The following ADGRV1 variants were observed in gnomAD, a reference collection of about 807,000 sequenced individuals.
ADGRV1 encodes G-protein coupled receptor 98.
In ADGRV1, 359 loss-of-function variants were observed where a neutral mutation model predicts 596.2. The observed-to-expected ratio is 0.60, with a 90% CI of 0.55 to 0.66. The LOEUF (loss-of-function observed/expected upper bound fraction) is 0.66. Ranked by LOEUF, ADGRV1 falls within the 30% of genes least tolerant of loss-of-function variation. The pLI, the probability that ADGRV1 is intolerant of heterozygous loss-of-function variation, is 0.00. For missense variants in ADGRV1, 7,274 were observed against 7,575.6 expected (o/e 0.96, Z 1.48); for synonymous variants, 2,681 against 2,679.2 (o/e 1.00, Z -0.02).
intron 11 of ADGRV1, among the ~76,000 whole-genome samples, 159 bp from the exon 12 acceptor site, chr5:90,642,477 T>C (rs527353979): frequency 6.6e-6 from 1 of 152,196 alleles, no homozygotes; most frequent in African/African-American, 2.4e-5. Context: ...TGTTTTGATC[T>C]TAAATGATTT....
chr5:90,719,507 C>A (rs1383101845), intron 43 of ADGRV1, among the ~76,000 whole-genome samples: 1 of 152,068 alleles, frequency 6.6e-6, no homozygotes. Flanking sequence ...AGTGTGTACT[C>A]TTTTGTGTCT....
At chr5:90,667,903 C>T (rs1236900942) in intron 21 of ADGRV1, among the ~76,000 whole-genome samples, 1 of 151,964 alleles carries the variant, frequency 6.6e-6, no homozygotes, top group Non-Finnish European at 1.5e-5. Flanking sequence ...TTGGGGGGTG[C>T]CTCCCAGTTA....
At chr5:90,866,257 C>T (rs1340316064) in intron 83 of ADGRV1, among the ~76,000 whole-genome samples, 1 of 151,424 alleles carries the variant, frequency 6.6e-6, no homozygotes, top group African/African-American at 2.4e-5. Context: ...TCCAGCTCTA[C>T]TTTCTACTTC....
chr5:91,092,688 G>A (rs1261611700), intron 86 of ADGRV1: 1 of 152,190 alleles, frequency 6.6e-6, no homozygotes, highest in African/African-American at 2.4e-5. Flanking sequence ...TGGGAATGGA[G>A]GGAAACTTAG....
rs1200614937 is a variant in ADGRV1 at position 90,716,628 on chromosome 5, A to G, written c.9346A>G (p.Thr3116Ala). Residue 3116 changes from threonine to alanine, a missense_variant, in exon 43 of 90, where the codon ACA (threonine) becomes GCA (alanine). Thr to Ala is a moderately conservative substitution (Grantham distance 58). Transcript: ENST00000405460. ...TGCACAAGGATTGTTTGGAACAGTG[A>G]CAGTTCAGTTCATTGTGACAGAAGT... ...EPAQGLFGTV[T>A]VQFIVTEVNS... The G allele has an allele frequency of 6.2e-7, 1 of 1,613,604 alleles. No individual in the cohort carries two copies. The highest frequency in any genetic ancestry group is 2.2e-5 in the East Asian group (1 of 44,860).
At chr5:90,885,314 C>G (rs1233615687) in intron 83 of ADGRV1, among the ~76,000 whole-genome samples, 1 of 152,056 alleles carries the variant, frequency 6.6e-6, no homozygotes. Context: ...TTCTTGTTCC[C>G]AGGTGATTAA....
At chr5:90,977,823 T>C (rs2151020293) in intron 84 of ADGRV1, among the ~76,000 whole-genome samples, 1 of 152,298 alleles carries the variant, frequency 6.6e-6, no homozygotes, top group Non-Finnish European at 1.5e-5. Context: ...AGTTGGTTGC[T>C]TGCATTTAAC....
rs541075090 is a variant in ADGRV1 at position 91,028,742 on chromosome 5, T to TG, written c.18152+43220_18152+43221insG. Among the ~76,000 whole-genome samples, 1,200 of 149,078 alleles carry TG rather than the reference T, an allele frequency of 8.0e-3. 8 individuals are homozygous for TG. The highest frequency in any genetic ancestry group is 0.014 in the Admixed American group (211 of 14,940). ...AAAACACTAGACTCTGTTTTTTTTT[T>TG]TTTTTTTTTTTTTAGGAGTCTTGCT... is the stretch of plus-strand genomic sequence containing the variant. On this transcript the variant is annotated intron_variant, in intron 85 of 89. Coordinates refer to ENST00000405460, the MANE Select transcript of ADGRV1 (RefSeq NM_032119.4).
intron 43 of ADGRV1, among the ~76,000 whole-genome samples, chr5:90,719,320 CATAAATAAATAAATAA>C (rs3045849): frequency 0.19 from 28,055 of 149,382 alleles, 4,328 homozygotes; most frequent in African/African-American, 0.42. Context: ...GACTCTGTCT[CATAAATAAATAAATAA>C]ATAAATAAAT....
intron 17 of ADGRV1, among the ~76,000 whole-genome samples, chr5:90,650,656 G>T (rs1768464484): frequency 6.6e-6 from 1 of 152,046 alleles, no homozygotes; most frequent in African/African-American, 2.4e-5. Context: ...TTTTTCTAGG[G>T]CATGGAATTG....
At chr5:90,622,803 C>CCTCCAG in intron 5 of ADGRV1, 102 bp downstream of exon 5, 3 of 448,574 alleles carry the variant, frequency 6.7e-6, no homozygotes, top group Non-Finnish European at 7.5e-6. Flanking sequence ...TGCAGTGGTG[C>CCTCCAG]GATCTCAGCT....
chr5:90,558,801 G>T lies in ADGRV1; in HGVS notation c.-95G>T. ...CCCTCCTCCTGATCCTGTAGTGGTA[G>T]TAAGAATCAGCAGCGCGGGCAAGGA... On this transcript the variant is annotated 5_prime_UTR_variant, in exon 1 of 90. Coordinates refer to ENST00000405460, the MANE Select transcript of ADGRV1 (RefSeq NM_032119.4). 8.0e-7 allele frequency: 1 copy of T among 1,249,906 alleles called. No individual in the cohort carries two copies. The highest frequency in any genetic ancestry group is 1.1e-6 in the Non-Finnish European group (1 of 872,326). The allele number at this position is 1,249,906 out of a possible 1,614,324, so 77.4% of individuals were successfully genotyped here.
chr5:90,949,468 A>G (rs1339091099), intron 83 of ADGRV1, among the ~76,000 whole-genome samples: 3 of 152,216 alleles, frequency 2.0e-5, no homozygotes, highest in Non-Finnish European at 2.9e-5. Context: ...CTTGCAAATC[A>G]TGTAGTACAT....
rs1382257397 is a variant in ADGRV1 at position 90,651,711 on chromosome 5, G to A, written c.3397G>A (p.Gly1133Arg). 1 of 1,611,768 alleles carries A rather than the reference G, an allele frequency of 6.2e-7. No individual in the cohort carries two copies. The highest frequency in any genetic ancestry group is 8.5e-7 in the Non-Finnish European group (1 of 1,178,490). Residue 1133 changes from glycine to arginine, a missense_variant, in exon 18 of 90, where the codon GGA (glycine) becomes AGA (arginine). Around this residue, in one of 5 missense-constraint regions of ADGRV1, gnomAD observed 1,715 missense variants for 1,708.8 expected, o/e 1.00. Transcript: ENST00000405460. The stretch of plus-strand genomic sequence containing the variant: ...GCCCATAGACAAAGCAGTGGAAGAA[G>A]GAAAGACTAATGCATTTTGGTAAGC... ...LEPIDKAVEEGKTNAFWILRH... is the reference protein window; with the variant it reads ...LEPIDKAVEERKTNAFWILRH...
At chr5:91,093,590 C>T (rs1443872554) in intron 86 of ADGRV1, among the ~76,000 whole-genome samples, 1 of 152,128 alleles carries the variant, frequency 6.6e-6, no homozygotes, top group Admixed American at 6.6e-5. Flanking sequence ...CACTTAATAA[C>T]CTTGGTGAAA....
chr5:90,651,099 T>G (rs1357796443), intron 17 of ADGRV1, among the ~76,000 whole-genome samples: 1 of 152,234 alleles, frequency 6.6e-6, no homozygotes, highest in Middle Eastern at 3.4e-3. Flanking sequence ...CAGATCAAAC[T>G]TTGCTGCCTG....
chr5:91,104,342 TAC>T (rs1168610327), intron 87 of ADGRV1, among the ~76,000 whole-genome samples: 4 of 152,234 alleles, frequency 2.6e-5, no homozygotes, highest in Admixed American at 1.3e-4. Flanking sequence ...TATTTATGGG[TAC>T]ATAGTGACGT....
At position 90,716,611 on chromosome 5, in the gene ADGRV1, G is replaced by C; in HGVS notation, c.9329G>C (p.Gly3110Ala). 6.2e-7 allele frequency: 1 copy of C among 1,613,864 alleles called. No homozygotes were observed. Among genetic ancestry groups the C allele is most frequent in the Non-Finnish European group, 8.5e-7 (1 of 1,179,816 alleles). ...TACATTGTTCGGGAACCTGCACAAG[G>C]ATTGTTTGGAACAGTGACAGTTCAG... Reference protein sequence around the residue: ...VLYIVREPAQGLFGTVTVQFI... With the variant: ...VLYIVREPAQALFGTVTVQFI... The change falls in exon 43 of 90, where the codon GGA (glycine) becomes GCA (alanine). Residue 3110 changes from glycine (G) to alanine (A), a missense_variant. This residue lies in a region of ADGRV1 where 3,643 missense variants were observed against 3,809.2 expected (regional missense o/e 0.96). Transcript: ENST00000405460.
chr5:91,069,856 CCAGGTGCCCAA>C (rs1788215546), intron 85 of ADGRV1, among the ~76,000 whole-genome samples: 1 of 151,318 alleles, frequency 6.6e-6, no homozygotes, highest in South Asian at 2.1e-4. Context: ...TGAAATCAAC[CCAGGTGCCCAA>C]CAATGCTGGG....
Sources: gnomAD v4.1 joint callset for allele counts (sites outside exome capture counted in the v4.1 genomes callset) on GRCh38, gnomAD v4.1.1 for gene constraint, gnomAD v4.1.1 regional missense constraint, MANE v1.5 for transcripts, NCBI Gene and HGNC (gene_info 2026-07-23, HGNC 2026-07-21) for gene names.